The following CROCC2 variants were observed in gnomAD, a reference collection of about 807,000 sequenced individuals.
The protein encoded by CROCC2 is ciliary rootlet coiled-coil protein 2.
CROCC2 carries 163 observed loss-of-function variants against 177.6 expected under a neutral mutation model. That is an observed-to-expected ratio of 0.92 (90% CI 0.81 to 1.05). The LOEUF (loss-of-function observed/expected upper bound fraction) is 1.05, where lower values mean the gene tolerates loss of function less well. Among genes scored for constraint, CROCC2 ranks in the 50% least tolerant of loss-of-function variants. CROCC2 has a pLI of 0.00. For synonymous variants in CROCC2, 904 were observed against 787.3 expected (o/e 1.15, Z -2.48); for missense variants, 1,929 against 1,797.8 (o/e 1.07, Z -1.32).
At chr2:240,986,076 C>T (rs2059838845) in intron 28 of CROCC2, 1 of 401,048 alleles carries the variant, frequency 2.5e-6, no homozygotes, top group South Asian at 1.8e-5. Context: ...GGACACTGCC[C>T]TTTCTACAGC....
At chr2:240,970,914 G>A (rs2059715873) in intron 27 of CROCC2, among the ~76,000 whole-genome samples, 1 of 152,162 alleles carries the variant, frequency 6.6e-6, no homozygotes, top group Non-Finnish European at 1.5e-5. Flanking sequence ...ACAGTCATGG[G>A]GTAGGCTGGG....
intron 20 of CROCC2, among the ~76,000 whole-genome samples, chr2:240,962,204 A>G (rs1242831595): frequency 1.3e-5 from 2 of 152,178 alleles, no homozygotes; most frequent in East Asian, 1.9e-4. Flanking sequence ...AATTTCTAGC[A>G]AAGAAATAAT....
At chr2:240,927,736 C>T (rs1424844656) in intron 5 of CROCC2, among the ~76,000 whole-genome samples, 1 of 152,212 alleles carries the variant, frequency 6.6e-6, no homozygotes, top group East Asian at 1.9e-4. Flanking sequence ...CTGCAACCTC[C>T]GCCTCCCGGG....
At chr2:240,955,705 C>T (rs374373767) in intron 18 of CROCC2, 154 bp from the exon 19 acceptor site, 29 of 596,122 alleles carry the variant, frequency 4.9e-5, no homozygotes, top group African/African-American at 4.4e-4. Flanking sequence ...CCCCTCCTCC[C>T]CAGTGGCAGG....
chr2:240,980,122 G>C (rs866595501), intron 27 of CROCC2, among the ~76,000 whole-genome samples: 7 of 68,098 alleles, frequency 1.0e-4, no homozygotes, highest in Non-Finnish European at 2.0e-4. Flanking sequence ...CTCTGGGGTA[G>C]GAGCCTCAGG....
At chr2:240,952,386 C>T (rs553465245) in intron 18 of CROCC2, among the ~76,000 whole-genome samples, 1 of 150,408 alleles carries the variant, frequency 6.6e-6, no homozygotes, top group South Asian at 2.1e-4. Flanking sequence ...GATTTATTGT[C>T]AAACTCTCTG....
chr2:240,965,287 C>T, intron 22 of CROCC2, 94 bp from the exon 23 acceptor site: 1 of 1,504,132 alleles, frequency 6.6e-7, no homozygotes, highest in South Asian at 1.3e-5. Context: ...CAGCTGCCCT[C>T]AAGGGACGTG....
chr2:240,990,139 C>T (rs562764749), intron 30 of CROCC2, among the ~76,000 whole-genome samples: 160 of 152,328 alleles, frequency 1.1e-3, no homozygotes, highest in African/African-American at 2.2e-3. Context: ...GGTCACTGGG[C>T]GACTGAGCTG....
In CROCC2 at chr2:240,926,717, G is replaced by A. The variant is rs561215992; in HGVS notation, c.645+837G>A. On this transcript the variant is annotated intron_variant, in intron 5 of 31. Transcript: ENST00000690015. ...CCCAGAGGGGCCGCCACTCGCCCCC[G>A]AGGTCCCAGCCCCGAGCCCCCCACA... Among the ~76,000 whole-genome samples the A allele has an allele frequency of 6.6e-5, 10 of 152,342 alleles. No homozygotes were observed. In the South Asian group the frequency reaches 1.4e-3, roughly 22 times the overall value.
chr2:240,963,811 CA>C, intron 21 of CROCC2, 38 bp downstream of exon 21: 1 of 1,536,602 alleles, frequency 6.5e-7, no homozygotes, highest in South Asian at 1.2e-5. Flanking sequence ...GGGTGCCCTG[CA>C]GCCTGCTGCC....
chr2:240,928,247 A>C (rs548006888), intron 5 of CROCC2, among the ~76,000 whole-genome samples: 1 of 152,362 alleles, frequency 6.6e-6, no homozygotes, highest in Non-Finnish European at 1.5e-5. Flanking sequence ...AAGGGGCTCT[A>C]ACAGTCTTTG....
In CROCC2 at chr2:240,973,584, C is replaced by T. The variant is rs995730594; in HGVS notation, c.4401+5322C>T. Among the ~76,000 whole-genome samples the T allele has an allele frequency of 3.3e-5, 5 of 151,866 alleles. No homozygotes were observed. Among genetic ancestry groups the T allele is most frequent in the African/African-American group, 1.2e-4 (5 of 41,308 alleles). ...CCCCACATCCCCAGTGCCAGCCTTG[C>T]AGGTCACCCGCCTGTGGGGGCTCAA... is the stretch of plus-strand genomic sequence containing the variant. On this transcript the variant is annotated intron_variant, in intron 27 of 31. Coordinates refer to ENST00000690015, the MANE Select transcript of CROCC2 (RefSeq NM_001351305.2). The surrounding 1 kb of genome is among the most constrained non-coding windows in gnomAD (Gnocchi z 4.7).
intron 19 of CROCC2, chr2:240,956,266 C>T: frequency 2.2e-6 from 1 of 455,154 alleles, no homozygotes; most frequent in Non-Finnish European, 4.0e-6. Context: ...GGGGGCCTCC[C>T]ATGAGCCAAC....
intron 30 of CROCC2, 44 bp from the exon 31 acceptor site, chr2:240,991,152 C>T (rs1017823124): frequency 6.4e-5 from 93 of 1,450,004 alleles, no homozygotes; most frequent in Non-Finnish European, 8.2e-5. Context: ...GGGCCCTGGC[C>T]GTGCAGCCTG....
At position 240,946,159 on chromosome 2, in the gene CROCC2, G is replaced by C; in HGVS notation, c.2269G>C (p.Asp757His). Residue 757 changes from aspartate to histidine, a missense_variant, in exon 15 of 32, where the codon GAT becomes CAT. Asp to His is a moderately conservative substitution (Grantham distance 81, BLOSUM62 -1). This residue lies in a region of CROCC2 where 1,397 missense variants were observed against 1,239.9 expected (regional missense o/e 1.13). Coordinates refer to ENST00000690015, the MANE Select transcript of CROCC2 (RefSeq NM_001351305.2). Reference protein sequence around the residue: ...GTLQQALQGKDALSEERAQLL... With the variant: ...GTLQQALQGKHALSEERAQLL... ...TCTGCAGCAAGCCCTGCAAGGAAAG[G>C]ATGCTCTGTCTGAGGAGCGGGCCCA... 6.5e-7 allele frequency: 1 copy of C among 1,548,786 alleles called. No individual in the cohort carries two copies. The highest frequency in any genetic ancestry group is 8.7e-7 in the Non-Finnish European group (1 of 1,145,456).
In CROCC2 at chr2:240,935,562, GCC is replaced by G. The variant is rs1423497513; in HGVS notation, c.2145_2146del (p.Gln716AlafsTer45). On this transcript the variant is annotated frameshift_variant, in exon 14 of 32. Transcript: ENST00000690015. LOFTEE classifies it high-confidence loss of function. ...GQAALLGREK[A>X]QLQEQVGQVT... ...GGCAGCCCTGCTGGGGCGAGAGAAG[GCC>G]CAGCTCCAGGAGCAGGTGGGCCAGG... 3 of 1,351,186 alleles carry G rather than the reference GCC, an allele frequency of 2.2e-6. No homozygotes were observed. The highest frequency in any genetic ancestry group is 2.9e-6 in the Non-Finnish European group (3 of 1,051,704). The allele number at this position is 1,351,186 out of a possible 1,614,324, so 83.7% of individuals were successfully genotyped here.
intron 30 of CROCC2, among the ~76,000 whole-genome samples, chr2:240,990,555 T>G (rs1445611965): frequency 6.6e-6 from 1 of 151,848 alleles, no homozygotes; most frequent in Non-Finnish European, 1.5e-5. Context: ...TTTATTTATT[T>G]CCTTATCATT....
At chr2:240,919,649 C>T (rs2059344967) in intron 2 of CROCC2, among the ~76,000 whole-genome samples, 1 of 152,210 alleles carries the variant, frequency 6.6e-6, no homozygotes, top group South Asian at 2.1e-4. Flanking sequence ...CAACAGGGCT[C>T]ACAACTTCAT....
At position 240,958,001 on chromosome 2, in the gene CROCC2, C is replaced by T. The variant is rs1157686792; in HGVS notation, c.2944-1300C>T. 5.1e-6 allele frequency: 5 copies of T among 985,292 alleles called. No individual in the cohort carries two copies. Among genetic ancestry groups the T allele is most frequent in the Non-Finnish European group, 2.4e-6 (2 of 829,930 alleles). The allele number at this position is 985,292 out of a possible 1,614,324, so 61.0% of individuals were successfully genotyped here. ...CCAGTGCTGGCTTCTGGAGCCTTCT[C>T]TTGAGCTGGCCCTGAGTCTCCCCCG... is the stretch of plus-strand genomic sequence containing the variant. On this transcript the variant is annotated intron_variant, in intron 19 of 31. Coordinates refer to ENST00000690015, the MANE Select transcript of CROCC2 (RefSeq NM_001351305.2). This position sits in a 1 kb window ranked among gnomAD's most constrained non-coding sequence, Gnocchi z 6.7.
Sources: gnomAD v4.1 joint callset for allele counts (sites outside exome capture counted in the v4.1 genomes callset) on GRCh38, gnomAD v4.1.1 for gene constraint, gnomAD v4.1.1 regional missense constraint, Gnocchi (gnomAD v3.1) non-coding constraint, MANE v1.5 for transcripts, NCBI Gene and HGNC (gene_info 2026-07-23, HGNC 2026-07-21) for gene names.